Variants in UVSSA observed in about 807,000 individuals in gnomAD.
The protein encoded by UVSSA is UV stimulated scaffold protein A.
A neutral mutation model predicts 73.9 loss-of-function variants in UVSSA; 72 were observed. The observed-to-expected ratio is 0.97, with a 90% CI of 0.81 to 1.19. The LOEUF is 1.19. Among genes scored for constraint, UVSSA ranks in the 50% most tolerant of loss-of-function variants. The pLI, the probability that UVSSA is intolerant of heterozygous loss-of-function variation, is 0.00. For missense variants in UVSSA, 1,150 were observed against 965.0 expected (o/e 1.19, Z -2.54); for synonymous variants, 454 against 391.3 (o/e 1.16, Z -1.89).
At chr4:1,378,301 C>T (rs1269671661) in intron 10 of UVSSA, among the ~76,000 whole-genome samples, 1 of 152,212 alleles carries the variant, frequency 6.6e-6, no homozygotes, top group Non-Finnish European at 1.5e-5. Flanking sequence ...GCCTGTAATC[C>T]CAGCACTTTG....
At chr4:1,366,909 G>A (rs1717405142) in intron 8 of UVSSA, among the ~76,000 whole-genome samples, 1 of 152,230 alleles carries the variant, frequency 6.6e-6, no homozygotes, top group Non-Finnish European at 1.5e-5. Flanking sequence ...TCACTCACGA[G>A]GGTGGGCTCT....
In UVSSA at chr4:1,380,885, T is replaced by C; in HGVS notation, c.1758T>C (p.Pro586=). Residue 586 remains proline (P), a synonymous_variant, in exon 12 of 14, where the codon CCT becomes CCC. Coordinates refer to ENST00000389851, the MANE Select transcript of UVSSA (RefSeq NM_020894.4). ...ACCGTGTCCTCGCTGTGCAGTGCCC[T>C]TTCCATGGGAAGATTGTTCCACGGG... ...LCERQDRLKC[P]FHGKIVPRDD... The C allele has an allele frequency of 6.2e-7, 1 of 1,612,788 alleles. No homozygotes were observed. Among genetic ancestry groups the C allele is most frequent in the South Asian group, 1.1e-5 (1 of 91,036 alleles).
upstream of UVSSA, among the ~76,000 whole-genome samples, chr4:1,346,448 C>A (rs1005156849): frequency 6.6e-6 from 1 of 152,218 alleles, no homozygotes; most frequent in African/African-American, 2.4e-5. Flanking sequence ...CCGCAGCCGA[C>A]CTCGCACTCC....
At chr4:1,357,983 T>C (rs995625001) in intron 7 of UVSSA, 1 of 152,422 alleles carries the variant, frequency 6.6e-6, no homozygotes, top group Non-Finnish European at 1.5e-5. Context: ...CCGCCGACAC[T>C]GTTAGCTGTC....
At chr4:1,365,192 G>C (rs1004973559) in intron 7 of UVSSA, among the ~76,000 whole-genome samples, 1 of 152,244 alleles carries the variant, frequency 6.6e-6, no homozygotes. Context: ...GAAGAGAAAG[G>C]CTTTACCAGG....
exon 14 of UVSSA, chr4:1,394,720 TCCATGTGGAGTGCCCACCTGCTCATGTGC>T (rs1560500968): frequency 1.0e-4 from 141 of 1,404,136 alleles, no homozygotes; most frequent in Admixed American, 4.1e-4. Context: ...CACACACGTG[TCCATGTGGAGTGCCCACCTGCTCATGTGC>T]CCATGTGGAG....
chr4:1,368,375 C>G (rs1429781164), intron 8 of UVSSA, among the ~76,000 whole-genome samples: 1 of 152,262 alleles, frequency 6.6e-6, no homozygotes, highest in African/African-American at 2.4e-5. Context: ...TCTAAATTAT[C>G]TGAAGCAAGG....
At chr4:1,365,970 T>G (rs2109196345) in intron 7 of UVSSA, 1 of 173,162 alleles carries the variant, frequency 5.8e-6, no homozygotes, top group South Asian at 1.5e-4. Flanking sequence ...GGAAGATAAC[T>G]CCCCTAAGCC....
chr4:1,355,009 G>A (rs1577301640), intron 6 of UVSSA, 108 bp from the exon 7 acceptor site: 6 of 1,542,078 alleles, frequency 3.9e-6, no homozygotes, highest in East Asian at 2.3e-5. Flanking sequence ...CATCCCAGGT[G>A]TGCCAGGGAC....
At chr4:1,346,415 G>C (rs1336153534), upstream of UVSSA, among the ~76,000 whole-genome samples, 1 of 152,208 alleles carries the variant, frequency 6.6e-6, no homozygotes, top group African/African-American at 2.4e-5. Context: ...GGTTTCCCAA[G>C]CGCGGTCTCC....
intron 9 of UVSSA, 92 bp from the exon 10 acceptor site, chr4:1,375,942 C>T (rs1213653325): frequency 2.0e-6 from 3 of 1,527,212 alleles, no homozygotes; most frequent in East Asian, 2.5e-5. Flanking sequence ...CGACCCGAGG[C>T]CCCAGCCTTG....
At chr4:1,381,755 A>C (rs1719530767) in intron 12 of UVSSA, among the ~76,000 whole-genome samples, 1 of 146,430 alleles carries the variant, frequency 6.8e-6, no homozygotes, top group Non-Finnish European at 1.5e-5. Context: ...TGGCGCAGTC[A>C]TGGCCTCCCA....
intron 8 of UVSSA, among the ~76,000 whole-genome samples, chr4:1,370,613 G>A (rs528873649): frequency 3.3e-5 from 5 of 152,370 alleles, no homozygotes; most frequent in African/African-American, 1.2e-4. Flanking sequence ...AGCTTCGGGG[G>A]CCACATGAGG....
upstream of UVSSA, among the ~76,000 whole-genome samples, chr4:1,344,080 C>A (rs1713522857): frequency 6.6e-6 from 1 of 151,760 alleles, no homozygotes; most frequent in Non-Finnish European, 1.5e-5. Flanking sequence ...GACAAGAAAT[C>A]CTTGGCTTCT....
intron 8 of UVSSA, among the ~76,000 whole-genome samples, chr4:1,373,335 T>C (rs1373631885): frequency 1.3e-5 from 2 of 152,166 alleles, no homozygotes; most frequent in East Asian, 1.9e-4. Context: ...GGAGAATAGA[T>C]GTAGGCTGGG....
intron 8 of UVSSA, among the ~76,000 whole-genome samples, chr4:1,366,642 C>T (rs80038607): frequency 0.032 from 4,817 of 152,320 alleles, 265 homozygotes; most frequent in African/African-American, 0.11. Context: ...CTGGCTCCGT[C>T]TCGGGTTCTC....
chr4:1,349,516 A>G lies in UVSSA; in HGVS notation c.99-8A>G. 1.2e-6 allele frequency: 2 copies of G among 1,610,352 alleles called. No homozygotes were observed. Among genetic ancestry groups the G allele is most frequent in the South Asian group, 1.1e-5 (1 of 91,028 alleles). ...GGGCAGTTGGGTCAGGCCAGCTCGC[A>G]TCCCCAGGTCTTCAGAGGAGCAGCT... On this transcript the variant is annotated splice_region_variant and splice_polypyrimidine_tract_variant and intron_variant, in intron 2 of 13. Coordinates refer to ENST00000389851, the MANE Select transcript of UVSSA (RefSeq NM_020894.4).
Position 1,349,639 on chromosome 4 carries a change from T to G in UVSSA, c.214T>G (p.Ser72Ala). 6.2e-7 allele frequency: 1 copy of G among 1,614,048 alleles called. No individual in the cohort carries two copies. Among genetic ancestry groups the G allele is most frequent in the East Asian group, 2.2e-5 (1 of 44,870 alleles). The change falls in exon 3 of 14, where the codon TCT (serine) becomes GCT (alanine). Residue 72 changes from serine (S) to alanine (A), a missense_variant. Transcript: ENST00000389851. Reference sequence around the variant, plus strand: ...GATTGTGGAGGAACTCTTCGTCAGGTCTCACCAGTTCCGGATGCTGGTTGT... The same window carrying G: ...GATTGTGGAGGAACTCTTCGTCAGGGCTCACCAGTTCCGGATGCTGGTTGT... ...FQIVEELFVR[S>A]HQFRMLVVSN... is the part of the protein sequence containing the mutation.
chr4:1,363,505 A>G (rs1418907886), intron 7 of UVSSA, among the ~76,000 whole-genome samples: 1 of 152,206 alleles, frequency 6.6e-6, no homozygotes, highest in Admixed American at 6.5e-5. Context: ...ATCTGGCACT[A>G]TATGTTATGC....
Sources: allele counts gnomAD v4.1 joint callset (sites outside exome capture counted in the v4.1 genomes callset), GRCh38; gene constraint gnomAD v4.1.1; transcripts MANE v1.5; gene names NCBI Gene and HGNC (gene_info 2026-07-23, HGNC 2026-07-21).